The following RBFOX1 variants were observed in gnomAD, a reference collection of about 807,000 sequenced individuals.
The protein encoded by RBFOX1 is RNA binding fox-1 homolog 1, also known as RNA binding protein fox-1 homolog 1.
A neutral mutation model predicts 57.7 loss-of-function variants in RBFOX1; 8 were observed. The ratio of observed to expected loss-of-function variants is 0.14; its 90% CI spans 0.08 to 0.25. The LOEUF is 0.25. Ranked by LOEUF, RBFOX1 falls within the 10% of genes least tolerant of loss-of-function variation. RBFOX1 has a pLI of 1.00. For missense variants in RBFOX1, 611 were observed against 548.5 expected (o/e 1.11, Z -1.14); for synonymous variants, 326 against 222.4 (o/e 1.47, Z -4.15).
intron 4 of RBFOX1, among the ~76,000 whole-genome samples, chr16:7,156,544 T>G (rs563141864): frequency 1.3e-5 from 2 of 152,246 alleles, no homozygotes; most frequent in African/African-American, 2.4e-5. Context: ...TACATATGCA[T>G]GTAGATATAC....
intron 1 of RBFOX1, among the ~76,000 whole-genome samples, chr16:5,361,565 G>C (rs2065552407): frequency 6.6e-6 from 1 of 152,322 alleles, no homozygotes; most frequent in Non-Finnish European, 1.5e-5. Context: ...CCGCTTGTTA[G>C]AAAGTTAAGA....
chr16:7,696,431 G>GTGAT (rs1466952651), intron 14 of RBFOX1, among the ~76,000 whole-genome samples: 1 of 152,154 alleles, frequency 6.6e-6, no homozygotes, highest in Admixed American at 6.6e-5. Flanking sequence ...GTCTCCGTCT[G>GTGAT]TGATTCATTA....
intron 4 of RBFOX1, among the ~76,000 whole-genome samples, chr16:7,069,852 C>CT: frequency 6.6e-6 from 1 of 152,276 alleles, no homozygotes; most frequent in East Asian, 1.9e-4. Context: ...TTGATGTTCC[C>CT]TTACATCACT....
intron 4 of RBFOX1, among the ~76,000 whole-genome samples, chr16:7,223,584 C>T (rs1167492727): frequency 6.6e-6 from 1 of 152,130 alleles, no homozygotes; most frequent in African/African-American, 2.4e-5. Context: ...GGAGATCCAA[C>T]TCACATCCAC....
At chr16:6,527,243 C>T (rs868110545) in intron 2 of RBFOX1, among the ~76,000 whole-genome samples, 1 of 152,046 alleles carries the variant, frequency 6.6e-6, no homozygotes, top group Non-Finnish European at 1.5e-5. Context: ...AGTAAAGACG[C>T]GTTACCAGTT....
intron 4 of RBFOX1, among the ~76,000 whole-genome samples, chr16:5,942,707 C>T (rs1273526735): frequency 6.6e-6 from 1 of 152,088 alleles, no homozygotes; most frequent in Non-Finnish European, 1.5e-5. Flanking sequence ...GGCCTATACC[C>T]CCGAACAACC....
chr16:6,980,211 T>C (rs1286710660), intron 3 of RBFOX1, among the ~76,000 whole-genome samples: 1 of 152,214 alleles, frequency 6.6e-6, no homozygotes, highest in Non-Finnish European at 1.5e-5. Context: ...TTCTAGCTGA[T>C]ATAACTTGAA....
At chr16:7,038,622 G>A (rs2045234958) in intron 3 of RBFOX1, among the ~76,000 whole-genome samples, 1 of 152,138 alleles carries the variant, frequency 6.6e-6, no homozygotes, top group South Asian at 2.1e-4. Flanking sequence ...GCCAGGGGCT[G>A]CCCTTTCATT....
At chr16:7,709,160 T>C in intron 15 of RBFOX1, 29 bp downstream of exon 15, 1 of 1,572,592 alleles carries the variant, frequency 6.4e-7, no homozygotes, top group South Asian at 1.1e-5. Flanking sequence ...TTGTCCTCAC[T>C]TCCTCCTGCC....
At chr16:6,591,211 C>A (rs1246634190) in intron 2 of RBFOX1, among the ~76,000 whole-genome samples, 1 of 152,088 alleles carries the variant, frequency 6.6e-6, no homozygotes, top group Non-Finnish European at 1.5e-5. Context: ...TTTGGGAGGC[C>A]AAGGAGGGTG....
chr16:7,638,827 C>T (rs142895578), intron 11 of RBFOX1, among the ~76,000 whole-genome samples: 177 of 152,134 alleles, frequency 1.2e-3, no homozygotes, highest in Non-Finnish European at 2.1e-3. Flanking sequence ...TGGGCCCAAG[C>T]GCCATAGTTT....
chr16:7,706,587 T>C (rs1013896482), intron 14 of RBFOX1, among the ~76,000 whole-genome samples: 1 of 152,198 alleles, frequency 6.6e-6, no homozygotes, highest in Non-Finnish European at 1.5e-5. Context: ...TTTAAAATAA[T>C]ATATCTGAAT....
chr16:5,452,238 C>T (rs997610217), intron 1 of RBFOX1, among the ~76,000 whole-genome samples: 2 of 151,450 alleles, frequency 1.3e-5, no homozygotes, highest in Non-Finnish European at 2.9e-5. Context: ...CCCACCTCAG[C>T]TTCCCAAGTA....
chr16:7,324,352 C>T (rs1253437630), intron 4 of RBFOX1, among the ~76,000 whole-genome samples: 6 of 152,048 alleles, frequency 3.9e-5, no homozygotes, highest in Admixed American at 1.3e-4. Flanking sequence ...GGAGTGGCCT[C>T]TGTGTCCAGC....
chr16:7,030,443 C>T (rs2042494785), intron 3 of RBFOX1, among the ~76,000 whole-genome samples: 1 of 152,186 alleles, frequency 6.6e-6, no homozygotes, highest in Admixed American at 6.5e-5. Context: ...TCAGCAAGGC[C>T]AAGTTCCTTC....
chr16:6,819,156 C>G (rs79244567), intron 3 of RBFOX1, among the ~76,000 whole-genome samples: 33 of 152,250 alleles, frequency 2.2e-4, no homozygotes, highest in African/African-American at 7.7e-4. Context: ...ATATATTTGA[C>G]CCCTGTGAGC....
Position 5,421,616 on chromosome 16 carries a change from C to A in RBFOX1, c.220-45600C>A, listed in dbSNP as rs139584572. 1.0e-3 allele frequency among the ~76,000 whole-genome samples: 154 copies of A among 152,264 alleles called. 3 individuals carry two copies. In the East Asian group the frequency reaches 0.016, roughly 16 times the overall value. Reference sequence around the variant, plus strand: ...GCCCAAGAAGAAAATCAATCACCCCCACCCCGGGAGGACCTGGGAACACAG... The same window carrying A: ...GCCCAAGAAGAAAATCAATCACCCCAACCCCGGGAGGACCTGGGAACACAG... On this transcript the variant is annotated intron_variant, in intron 1 of 2. Coordinates refer to the RBFOX1 transcript ENST00000585867.
At chr16:6,489,259 T>G (rs2095575359) in intron 2 of RBFOX1, among the ~76,000 whole-genome samples, 1 of 152,232 alleles carries the variant, frequency 6.6e-6, no homozygotes, top group Non-Finnish European at 1.5e-5. Flanking sequence ...TGGTCCTTCT[T>G]TTCCCTCAGT....
At chr16:6,174,760 T>C (rs1486966231) in intron 1 of RBFOX1, among the ~76,000 whole-genome samples, 1 of 152,208 alleles carries the variant, frequency 6.6e-6, no homozygotes, top group East Asian at 1.9e-4. Flanking sequence ...TGAACTTCAG[T>C]GCATATGCTA....
Sources: gnomAD v4.1 joint callset for allele counts (sites outside exome capture counted in the v4.1 genomes callset) on GRCh38, gnomAD v4.1.1 for gene constraint, MANE v1.5 for transcripts, NCBI Gene and HGNC (gene_info 2026-07-23, HGNC 2026-07-21) for gene names.